COL3A1: variants seen among roughly 807,000 people sequenced by gnomAD.
COL3A1 encodes collagen type III alpha 1 chain.
COL3A1 carries 46 observed loss-of-function variants against 200.9 expected under a neutral mutation model. The observed-to-expected ratio is 0.23, with a 90% CI of 0.18 to 0.29. The LOEUF is 0.29. Ranked by LOEUF, COL3A1 falls within the 10% of genes least tolerant of loss-of-function variation. COL3A1 has a pLI of 1.00. For synonymous variants in COL3A1, 650 were observed against 628.0 expected (o/e 1.03, Z -0.52); for missense variants, 1,367 against 1,917.6 (o/e 0.71, Z 5.36).
chr2:188,990,289 T>G lies in COL3A1; in HGVS notation c.745-18T>G, dbSNP rs1469741205. 2.5e-6 allele frequency: 4 copies of G among 1,610,074 alleles called. No individual in the cohort carries two copies. The African/African-American group carries it at 5.3e-5, about 22-fold the overall frequency. On this transcript the variant is annotated intron_variant, in intron 9 of 50. Coordinates refer to ENST00000304636, the MANE Select transcript of COL3A1 (RefSeq NM_000090.4). The stretch of plus-strand genomic sequence containing the variant: ...CTATTTGAAGGTTCATTAATATTTT[T>G]TCATTCATTATTTTTAGGGTATCAA...
rs201468881 is a variant in COL3A1 at position 188,999,473 on chromosome 2, G to A, written c.2125G>A (p.Ala709Thr). The A allele has an allele frequency of 5.0e-6, 8 of 1,613,984 alleles. No homozygotes were observed. Among genetic ancestry groups the A allele is most frequent in the Non-Finnish European group, 6.8e-6 (8 of 1,180,022 alleles). Residue 709 changes from alanine (A) to threonine (T), a missense_variant, in exon 31 of 51, where the codon GCT becomes ACT. Around this residue, in one of 5 missense-constraint regions of COL3A1, gnomAD observed 846 missense variants for 1,147.9 expected, o/e 0.74. Coordinates refer to ENST00000304636, the MANE Select transcript of COL3A1 (RefSeq NM_000090.4). ...GPPGPEGGKG[A>T]AGPPGPPGAA... ...ATTATTTCTCACTTATTTTCAGGGTGCTGCTGGTCCTCCTGGGCCACCTGG... is the reference window on the plus strand; with the variant it reads ...ATTATTTCTCACTTATTTTCAGGGTACTGCTGGTCCTCCTGGGCCACCTGG...
In COL3A1 at chr2:188,988,637, T is replaced by A. The variant is rs1414233939; in HGVS notation, c.630T>A (p.Gly210=). Residue 210 remains glycine, a synonymous_variant, in exon 7 of 51, where the codon GGT becomes GGA. Transcript: ENST00000304636. ...CCCCTGGTGAACCTGGGCAAGCTGG[T>A]CCTTCAGTAAGTAACAATTAAATTT... ...QGPPGEPGQA[G]PSGPPGPPGA... is the part of the protein sequence containing the mutation. The A allele has an allele frequency of 6.2e-7, 1 of 1,604,260 alleles. No homozygotes were observed. Among genetic ancestry groups the A allele is most frequent in the East Asian group, 2.2e-5 (1 of 44,708 alleles).
At chr2:189,002,211 A>G in intron 34 of COL3A1, 87 bp from the exon 35 acceptor site, 1 of 1,126,652 alleles carries the variant, frequency 8.9e-7, no homozygotes, top group Non-Finnish European at 1.4e-6. Flanking sequence ...TAAAGGAAAG[A>G]AAAGATAAGA....
At position 188,995,084 on chromosome 2, in the gene COL3A1, C is replaced by T; in HGVS notation, c.1494C>T (p.Gly498=). ...PGFRGPAGPN[G]IPGEKGPAGE... is the part of the protein sequence containing the mutation. ...TCCGAGGACCTGCTGGACCAAATGG[C>T]ATCCCAGGAGAAAAGGTAGATAACT... is the stretch of plus-strand genomic sequence containing the variant. Residue 498 remains glycine, a synonymous_variant, in exon 21 of 51, where the codon GGC becomes GGT. Coordinates refer to ENST00000304636, the MANE Select transcript of COL3A1 (RefSeq NM_000090.4). 6.2e-7 allele frequency: 1 copy of T among 1,614,152 alleles called. No individual in the cohort carries two copies. Among genetic ancestry groups the T allele is most frequent in the Non-Finnish European group, 8.5e-7 (1 of 1,179,980 alleles).
Position 188,987,118 on chromosome 2 carries a change from C to G in COL3A1, c.507C>G (p.Leu169=), listed in dbSNP as rs142437505. 5 of 1,612,614 alleles carry G rather than the reference C, an allele frequency of 3.1e-6. No homozygotes were observed. In the Admixed American group the frequency reaches 5.0e-5, roughly 16 times the overall value. The part of the protein sequence containing the change: ...DVKSGVAVGG[L]AGYPGPAGPP... ...AGTCTGGAGTAGCAGTAGGAGGACT[C>G]GCAGGCTATCCTGGACCAGCTGTAC... Residue 169 remains leucine (L), a synonymous_variant, in exon 5 of 51, where the codon CTC becomes CTG. Transcript: ENST00000304636.
intron 31 of COL3A1, 119 bp from the exon 32 acceptor site, chr2:188,999,723 G>A: frequency 7.3e-7 from 1 of 1,365,526 alleles, no homozygotes; most frequent in Non-Finnish European, 1.0e-6. Flanking sequence ...GATTCCTAAA[G>A]CAACAATGAA....
In COL3A1 at chr2:188,995,076, C is replaced by G; in HGVS notation, c.1486C>G (p.Pro496Ala). Residue 496 changes from proline to alanine, a missense_variant, in exon 21 of 51, where the codon CCA (proline) becomes GCA (alanine). Physicochemically the swap from Pro to Ala is conservative, Grantham distance 27. Transcript: ENST00000304636. ...CCCTGGGTTCCGAGGACCTGCTGGA[C>G]CAAATGGCATCCCAGGAGAAAAGGT... The part of the protein sequence containing the change: ...GAPGFRGPAG[P>A]NGIPGEKGPA... 1 of 1,614,166 alleles carries G rather than the reference C, an allele frequency of 6.2e-7. No individual in the cohort carries two copies. Among genetic ancestry groups the G allele is most frequent in the Non-Finnish European group, 8.5e-7 (1 of 1,180,032 alleles).
In COL3A1 at chr2:188,998,443, T is replaced by C. The variant is rs530455861; in HGVS notation, c.1977+124T>C. On this transcript the variant is annotated intron_variant, in intron 28 of 50. Coordinates refer to ENST00000304636, the MANE Select transcript of COL3A1 (RefSeq NM_000090.4). ...TGAGATTTAACATTTAGTTTTGAAATATTATCAAAACAAAGACAAATTATT... is the reference window on the plus strand; with the variant it reads ...TGAGATTTAACATTTAGTTTTGAAACATTATCAAAACAAAGACAAATTATT... The C allele has an allele frequency of 1.2e-4, 121 of 1,006,382 alleles. 2 individuals carry two copies. In the South Asian group the frequency reaches 1.7e-3, roughly 14 times the overall value. 62.3% of individuals were successfully genotyped at this position (1,006,382 alleles called of 1,614,324 possible). A position where few individuals can be genotyped will look rare whatever the true frequency, so the allele number is the denominator to read the frequency against.
At chr2:188,986,254 C>T (rs891123624) in intron 4 of COL3A1, among the ~76,000 whole-genome samples, 3 of 152,038 alleles carry the variant, frequency 2.0e-5, no homozygotes, top group African/African-American at 7.2e-5. Context: ...CTTCAGAGCA[C>T]ACCTTGCTTC....
intron 1 of COL3A1, among the ~76,000 whole-genome samples, chr2:188,976,374 A>G (rs1314708125): frequency 6.6e-6 from 1 of 152,146 alleles, no homozygotes; most frequent in Non-Finnish European, 1.5e-5. Context: ...AAAATAATCA[A>G]TAAGTATAAA....
chr2:188,996,182 T>G lies in COL3A1; in HGVS notation c.1662+4T>G, dbSNP rs1319321003. 1 of 1,613,102 alleles carries G rather than the reference T, an allele frequency of 6.2e-7. No homozygotes were observed. The highest frequency in any genetic ancestry group is 1.1e-5 in the South Asian group (1 of 91,016). ...TGATGGGAAACCAGGGCCTCCCGTA[T>G]GTACATTTTTAAAATCTCATTTTAA... On this transcript the variant is annotated splice_donor_region_variant and intron_variant, in intron 23 of 50. Transcript: ENST00000304636.
intron 43 of COL3A1, 100 bp downstream of exon 43, chr2:189,006,552 C>A (rs1688590017): frequency 2.0e-5 from 22 of 1,118,658 alleles, no homozygotes; most frequent in Non-Finnish European, 2.6e-5. Flanking sequence ...ACCAAAATAT[C>A]CACTGTCATT....
In COL3A1 at chr2:189,004,212, A is replaced by C. The variant is rs1169697417; in HGVS notation, c.2824-45A>C. 5.0e-6 allele frequency: 8 copies of C among 1,604,790 alleles called. No homozygotes were observed. In the Admixed American group the frequency reaches 1.2e-4, roughly 24 times the overall value. ...TTTATCACAAATCGATTAGAGAAAA[A>C]CACTGTCACATAAAGATGAGCTAAG... On this transcript the variant is annotated intron_variant, in intron 39 of 50. Coordinates refer to ENST00000304636, the MANE Select transcript of COL3A1 (RefSeq NM_000090.4).
intron 1 of COL3A1, among the ~76,000 whole-genome samples, chr2:188,976,564 A>G (rs1687821552): frequency 6.6e-6 from 1 of 152,110 alleles, no homozygotes; most frequent in South Asian, 2.1e-4. Flanking sequence ...GAAAAGTTAC[A>G]GGAGGTATCT....
At chr2:188,981,518 G>A (rs1485051772) in intron 1 of COL3A1, among the ~76,000 whole-genome samples, 1 of 151,460 alleles carries the variant, frequency 6.6e-6, no homozygotes, top group Non-Finnish European at 1.5e-5. Context: ...CTTTTCAATA[G>A]TAGAATGAAA....
At chr2:189,011,032 C>G in intron 50 of COL3A1, 142 bp downstream of exon 50, 1 of 1,093,882 alleles carries the variant, frequency 9.1e-7, no homozygotes, top group South Asian at 1.4e-5. Flanking sequence ...ATTGCATCTA[C>G]TGATTCATTG....
intron 15 of COL3A1, 105 bp downstream of exon 15, chr2:188,993,045 C>T: frequency 9.7e-7 from 1 of 1,030,456 alleles, no homozygotes; most frequent in South Asian, 1.3e-5. Flanking sequence ...AAATGGATAG[C>T]TTTTATCTAT....
At chr2:189,001,724 AG>A (rs1173567489) in intron 34 of COL3A1, 135 bp downstream of exon 34, 8 of 864,040 alleles carry the variant, frequency 9.3e-6, no homozygotes, top group Non-Finnish European at 1.4e-5. Flanking sequence ...AAACCATATA[AG>A]GAACCATATA....
intron 10 of COL3A1, 29 bp from the exon 11 acceptor site, chr2:188,990,975 T>A (rs201094842): frequency 6.2e-7 from 1 of 1,606,188 alleles, no homozygotes; most frequent in East Asian, 2.2e-5. Context: ...CAGATTTTAA[T>A]AATTTTGCTG....
Sources: allele counts gnomAD v4.1 joint callset (sites outside exome capture counted in the v4.1 genomes callset), GRCh38; gene constraint gnomAD v4.1.1; regional missense constraint gnomAD v4.1.1; transcripts MANE v1.5; gene names NCBI Gene and HGNC (gene_info 2026-07-23, HGNC 2026-07-21).